The following C4orf17 variants were observed in gnomAD, a reference collection of about 807,000 sequenced individuals.
The protein encoded by C4orf17 is uncharacterized protein C4orf17.
C4orf17 carries 25 observed loss-of-function variants against 32.0 expected under a neutral mutation model. The observed-to-expected ratio is 0.78, with a 90% CI of 0.57 to 1.09. The LOEUF is 1.09. Among genes scored for constraint, C4orf17 ranks in the 50% least tolerant of loss-of-function variants. C4orf17 has a pLI of 0.00. For missense variants in C4orf17, 420 were observed against 420.0 expected (o/e 1.00, Z 0.00); for synonymous variants, 149 against 145.8 (o/e 1.02, Z -0.16).
chr4:99,522,752 T>C, intron 3 of C4orf17, 43 bp downstream of exon 3: 2 of 1,495,448 alleles, frequency 1.3e-6, no homozygotes, highest in Non-Finnish European at 1.9e-6. Flanking sequence ...TTATGCCTCC[T>C]GCAAACAAGG....
chr4:99,528,778 G>A (rs912846308), intron 4 of C4orf17, among the ~76,000 whole-genome samples: 1 of 152,104 alleles, frequency 6.6e-6, no homozygotes, highest in African/African-American at 2.4e-5. Context: ...ACTTTCATGG[G>A]AATGGTATGG....
intron 2 of C4orf17, among the ~76,000 whole-genome samples, chr4:99,520,095 T>G (rs1364465471): frequency 6.6e-6 from 1 of 151,354 alleles, no homozygotes; most frequent in East Asian, 1.9e-4. Context: ...TTTAATTTTT[T>G]TTTTTTTTTT....
chr4:99,527,093 A>AT (rs1723401584), intron 4 of C4orf17, among the ~76,000 whole-genome samples: 1 of 151,798 alleles, frequency 6.6e-6, no homozygotes, highest in Non-Finnish European at 1.5e-5. Context: ...ACTGTGTTGA[A>AT]TTTTCATTTT....
chr4:99,528,855 A>G (rs1723433556), intron 4 of C4orf17, among the ~76,000 whole-genome samples: 1 of 152,140 alleles, frequency 6.6e-6, no homozygotes, highest in South Asian at 2.1e-4. Context: ...GGATTATCAC[A>G]ATTCAAGGTG....
intron 2 of C4orf17, among the ~76,000 whole-genome samples, chr4:99,518,509 A>T (rs1560585454): frequency 2.7e-5 from 2 of 73,362 alleles, no homozygotes; most frequent in African/African-American, 1.8e-4. Flanking sequence ...AAAAAAAAAA[A>T]AAAAAAAAAA....
rs748963943 is a variant in C4orf17, at chr4:99,539,360, C to A, written c.826C>A (p.Gln276Lys). ...KVLTRDTEGD[Q>K]PTRVSSQGSE... ...GCTGACCAGAGATACAGAAGGGGAT[C>A]AACCAACCAGGTAATTAGATATAAT... Residue 276 changes from glutamine to lysine, a missense_variant, in exon 7 of 9, where the codon CAA becomes AAA. By Grantham distance (53) the Gln-to-Lys change is moderately conservative (BLOSUM62 1). Coordinates refer to ENST00000326581, the MANE Select transcript of C4orf17 (RefSeq NM_032149.3). 1 of 1,613,780 alleles carries A rather than the reference C, an allele frequency of 6.2e-7. No homozygotes were observed. Among genetic ancestry groups the A allele is most frequent in the African/African-American group, 1.3e-5 (1 of 75,044 alleles).
At chr4:99,532,136 G>T (rs760336366) in intron 5 of C4orf17, among the ~76,000 whole-genome samples, 1 of 152,134 alleles carries the variant, frequency 6.6e-6, no homozygotes, top group Non-Finnish European at 1.5e-5. Context: ...AAAGCAGTTT[G>T]GAGAGTTCTC....
intron 3 of C4orf17, among the ~76,000 whole-genome samples, chr4:99,523,737 G>A (rs964166294): frequency 1.3e-5 from 2 of 152,116 alleles, no homozygotes; most frequent in South Asian, 4.1e-4. Flanking sequence ...GGGAAATTAA[G>A]TAAAACTTTA....
chr4:99,538,435 A>G (rs928547626), intron 6 of C4orf17, among the ~76,000 whole-genome samples: 1 of 152,206 alleles, frequency 6.6e-6, no homozygotes, highest in African/African-American at 2.4e-5. Context: ...ACTCTTTGAG[A>G]ATCACTGCAC....
rs1723633615 is a variant in C4orf17, at chr4:99,540,272, GTA to G, written c.837-138_837-137del. The G allele has an allele frequency of 3.0e-5, 16 of 534,798 alleles. No homozygotes were observed. The East Asian group carries it at 4.8e-4, about 16-fold the overall frequency. 33.1% of individuals were successfully genotyped at this position (534,798 alleles called of 1,614,324 possible). ...TTCATTGGGAAGTAAATTTAATACT[GTA>G]TGCATTAAAAAAAACAAAGAATTGG... On this transcript the variant is annotated intron_variant, in intron 7 of 8. Transcript: ENST00000326581.
intron 5 of C4orf17, among the ~76,000 whole-genome samples, chr4:99,533,510 A>G (rs763221469): frequency 3.3e-5 from 5 of 152,158 alleles, no homozygotes; most frequent in Admixed American, 6.5e-5. Flanking sequence ...TGGCACAGAG[A>G]AGTGGAGCCT....
At chr4:99,523,761 C>A (rs1197602757) in intron 3 of C4orf17, among the ~76,000 whole-genome samples, 2 of 151,880 alleles carry the variant, frequency 1.3e-5, no homozygotes, top group Non-Finnish European at 2.9e-5. Context: ...GGTTTTAGGG[C>A]AGCTTAGGGG....
chr4:99,515,319 G>A (rs947018551), intron 2 of C4orf17, among the ~76,000 whole-genome samples: 9 of 152,174 alleles, frequency 5.9e-5, no homozygotes, highest in Non-Finnish European at 7.4e-5. Flanking sequence ...ATGATAGGCC[G>A]GATAAAGAAA....
At chr4:99,538,121 T>C (rs1490479094) in intron 6 of C4orf17, among the ~76,000 whole-genome samples, 3 of 152,244 alleles carry the variant, frequency 2.0e-5, no homozygotes, top group Admixed American at 6.5e-5. Context: ...CTTATTTCTT[T>C]CCTTTGGTAA....
chr4:99,539,433 T>G, intron 7 of C4orf17, 63 bp downstream of exon 7: 3 of 1,302,938 alleles, frequency 2.3e-6, no homozygotes, highest in African/African-American at 1.5e-5. Flanking sequence ...TTGAATTCTC[T>G]TGTTATTTAT....
intron 2 of C4orf17, among the ~76,000 whole-genome samples, chr4:99,513,517 A>G (rs1706996043): frequency 1.3e-5 from 2 of 152,190 alleles, no homozygotes; most frequent in African/African-American, 4.8e-5. Context: ...GGCAGGCTTG[A>G]CCAATTGATA....
In C4orf17 at chr4:99,511,234, C is replaced by G. The variant is rs1723088926; in HGVS notation, c.-132C>G. 1 of 152,096 alleles carries G rather than the reference C, an allele frequency of 6.6e-6. No individual in the cohort carries two copies. The highest frequency in any genetic ancestry group is 1.5e-5 in the Non-Finnish European group (1 of 68,002). The allele number at this position is 152,096 out of a possible 1,614,324, so 9.4% of individuals were successfully genotyped here. ...GGGAGGGTATCAACAGACTTGAGTT[C>G]TTGTCAGCAAGATCACCTGCTTTTA... On this transcript the variant is annotated 5_prime_UTR_variant, in exon 1 of 9. Coordinates refer to ENST00000326581, the MANE Select transcript of C4orf17 (RefSeq NM_032149.3).
At chr4:99,521,374 C>CA (rs33958049) in intron 2 of C4orf17, among the ~76,000 whole-genome samples, 10,210 of 136,590 alleles carry the variant, frequency 0.075, 625 homozygotes, top group South Asian at 0.17. Flanking sequence ...GACTATGTCT[C>CA]AAAAAAAAAA....
chr4:99,534,425 G>C (rs1578194918), intron 5 of C4orf17, among the ~76,000 whole-genome samples: 1 of 152,232 alleles, frequency 6.6e-6, no homozygotes, highest in Middle Eastern at 3.4e-3. Flanking sequence ...ATTGCGAATA[G>C]TGCTGCAGTG....
Sources: gnomAD v4.1 joint callset for allele counts (sites outside exome capture counted in the v4.1 genomes callset) on GRCh38, gnomAD v4.1.1 for gene constraint, MANE v1.5 for transcripts, NCBI Gene and HGNC (gene_info 2026-07-23, HGNC 2026-07-21) for gene names.